Variants in BMP7 observed in about 807,000 individuals in gnomAD.
BMP7 encodes the protein bone morphogenetic protein 7, also known as osteogenic protein 1.
Under a neutral mutation model 41.2 loss-of-function variants are expected in BMP7, and 12 were observed. The observed-to-expected ratio is 0.29, with a 90% CI of 0.19 to 0.47. The LOEUF is 0.47. Ranked by LOEUF, BMP7 falls within the 20% of genes least tolerant of loss-of-function variation. The pLI is 0.99. For synonymous variants in BMP7, 248 were observed against 250.0 expected (o/e 0.99, Z 0.07); for missense variants, 467 against 606.0 (o/e 0.77, Z 2.41).
At chr20:57,225,116 C>T (rs1055501546) in intron 2 of BMP7, among the ~76,000 whole-genome samples, 12 of 152,272 alleles carry the variant, frequency 7.9e-5, no homozygotes, top group Admixed American at 2.0e-4. Flanking sequence ...TGGGCTCCCC[C>T]GGGCTGAGGT....
At chr20:57,251,469 G>A (rs780447486) in intron 1 of BMP7, among the ~76,000 whole-genome samples, 1 of 152,220 alleles carries the variant, frequency 6.6e-6, no homozygotes, top group Non-Finnish European at 1.5e-5. Context: ...CATCACCCTT[G>A]TGGGGACTCA....
chr20:57,245,311 A>C (rs185007309), intron 1 of BMP7, among the ~76,000 whole-genome samples: 75 of 152,320 alleles, frequency 4.9e-4, no homozygotes, highest in Admixed American at 4.1e-3. Context: ...AAGCAGGAGA[A>C]TATGAGATCA....
chr20:57,184,562 G>A (rs1026874689), intron 3 of BMP7, among the ~76,000 whole-genome samples: 4 of 152,140 alleles, frequency 2.6e-5, no homozygotes, highest in Non-Finnish European at 4.4e-5. Flanking sequence ...GGCAACACGA[G>A]CACCTGCCTC....
At chr20:57,184,610 C>T (rs574989117) in intron 3 of BMP7, among the ~76,000 whole-genome samples, 6 of 152,288 alleles carry the variant, frequency 3.9e-5, no homozygotes, top group Non-Finnish European at 1.5e-5. Flanking sequence ...CTCTAAAATT[C>T]ACACCCACAC....
intron 2 of BMP7, among the ~76,000 whole-genome samples, chr20:57,208,050 C>T (rs1423258274): frequency 6.6e-6 from 1 of 151,730 alleles, no homozygotes; most frequent in Non-Finnish European, 1.5e-5. Flanking sequence ...AGGATGGTCT[C>T]GATCTCCTGA....
At chr20:57,245,191 C>T (rs1416409136) in intron 1 of BMP7, among the ~76,000 whole-genome samples, 1 of 152,204 alleles carries the variant, frequency 6.6e-6, no homozygotes, top group African/African-American at 2.4e-5. Context: ...TGAAGAGCCT[C>T]ACTCATTTCA....
At chr20:57,172,406 T>A (rs1182445819) in intron 6 of BMP7, among the ~76,000 whole-genome samples, 3 of 152,146 alleles carry the variant, frequency 2.0e-5, no homozygotes, top group Non-Finnish European at 4.4e-5. Flanking sequence ...ATGAGATTTT[T>A]CTCCAGGACT....
chr20:57,258,115 C>A (rs543464965), intron 1 of BMP7, among the ~76,000 whole-genome samples: 1 of 152,320 alleles, frequency 6.6e-6, no homozygotes, highest in South Asian at 2.1e-4. Context: ...TTGAAAGCTA[C>A]TCCAGGGAGA....
chr20:57,173,415 G>A (rs1983854549), intron 5 of BMP7, 105 bp from the exon 6 acceptor site: 4 of 1,121,976 alleles, frequency 3.6e-6, no homozygotes, highest in African/African-American at 3.1e-5. Context: ...ACGACCCAAG[G>A]TGGAAGCCTC....
intron 4 of BMP7, among the ~76,000 whole-genome samples, chr20:57,180,199 T>C (rs1035493474): frequency 6.6e-6 from 1 of 152,144 alleles, no homozygotes; most frequent in African/African-American, 2.4e-5. Flanking sequence ...ACACCACAGC[T>C]TGAATCTCTG....
At chr20:57,176,467 G>A (rs911702185) in intron 4 of BMP7, among the ~76,000 whole-genome samples, 1 of 152,104 alleles carries the variant, frequency 6.6e-6, no homozygotes, top group Non-Finnish European at 1.5e-5. Context: ...TATAGAAAAC[G>A]GCAGTCTGCT....
intron 3 of BMP7, among the ~76,000 whole-genome samples, chr20:57,198,085 C>T (rs1364511165): frequency 1.3e-5 from 2 of 150,332 alleles, no homozygotes; most frequent in Non-Finnish European, 3.0e-5. Context: ...TCCTCTCGCT[C>T]TCCTCTCCCC....
At chr20:57,204,035 A>G (rs559653458) in intron 2 of BMP7, among the ~76,000 whole-genome samples, 1 of 152,338 alleles carries the variant, frequency 6.6e-6, no homozygotes, top group East Asian at 1.9e-4. Context: ...CGAAAGGTCA[A>G]GTTGTGTGCC....
intron 1 of BMP7, among the ~76,000 whole-genome samples, chr20:57,240,618 C>T (rs532167520): frequency 2.2e-5 from 3 of 139,278 alleles, no homozygotes; most frequent in East Asian, 4.0e-4. Context: ...AAGACATACC[C>T]GAGACTGGGA....
chr20:57,172,225 G>A (rs1355645679), intron 6 of BMP7, among the ~76,000 whole-genome samples: 1 of 152,186 alleles, frequency 6.6e-6, no homozygotes, highest in African/African-American at 2.4e-5. Context: ...CCAGGGAACA[G>A]GTTGGGGAGG....
At chr20:57,246,859 C>T (rs745833870) in intron 1 of BMP7, among the ~76,000 whole-genome samples, 5 of 151,774 alleles carry the variant, frequency 3.3e-5, no homozygotes, top group East Asian at 3.9e-4. Flanking sequence ...CATGGTGGCA[C>T]GTGCCTGTAC....
chr20:57,186,553 G>A (rs973935836), intron 3 of BMP7, among the ~76,000 whole-genome samples: 9 of 152,158 alleles, frequency 5.9e-5, no homozygotes, highest in South Asian at 2.1e-4. Context: ...TGAATAACCC[G>A]CCCAGGGATA....
intron 2 of BMP7, among the ~76,000 whole-genome samples, chr20:57,221,935 C>T (rs760444946): frequency 6.6e-6 from 1 of 152,082 alleles, no homozygotes; most frequent in African/African-American, 2.4e-5. Flanking sequence ...CATGACTGTT[C>T]CCAAAGGCAG....
chr20:57,211,688 A>C (rs571853352), intron 2 of BMP7, among the ~76,000 whole-genome samples: 2 of 152,300 alleles, frequency 1.3e-5, no homozygotes, highest in East Asian at 1.9e-4. Context: ...GAGGCCAGAG[A>C]ATAAGCTGTG....
Sources: gnomAD v4.1 joint callset for allele counts (sites outside exome capture counted in the v4.1 genomes callset) on GRCh38, gnomAD v4.1.1 for gene constraint, MANE v1.5 for transcripts, NCBI Gene and HGNC (gene_info 2026-07-23, HGNC 2026-07-21) for gene names.